Variants in GNB1 observed in about 807,000 individuals in gnomAD.
GNB1 encodes guanine nucleotide-binding protein G(I)/G(S)/G(T) subunit beta-1.
Under a neutral mutation model 42.9 loss-of-function variants are expected in GNB1, and 2 were observed. The observed-to-expected ratio is 0.05, with a 90% CI of 0.02 to 0.15. The LOEUF is 0.15. Among genes scored for constraint, GNB1 ranks in the 10% least tolerant of loss-of-function variants. The pLI is 1.00. For missense variants in GNB1, 193 were observed against 462.2 expected (o/e 0.42, Z 5.34); for synonymous variants, 183 against 174.7 (o/e 1.05, Z -0.38).
intron 5 of GNB1, among the ~76,000 whole-genome samples, chr1:1,806,906 G>A (rs1437252609): frequency 3.9e-5 from 6 of 152,080 alleles, no homozygotes; most frequent in African/African-American, 9.7e-5. Flanking sequence ...CCTAGGAAGC[G>A]GAGGTTACAG....
In GNB1 at chr1:1,826,044, T is replaced by C. The variant is rs566755193; in HGVS notation, c.-46-545A>G. Among the ~76,000 whole-genome samples, 19 of 152,310 alleles carry C rather than the reference T, an allele frequency of 1.2e-4. 1 individual carries two copies. Among genetic ancestry groups the C allele is most frequent in the African/African-American group, 4.6e-4 (19 of 41,574 alleles). ...GTCTAAAATACTACTCAACATATGC[T>C]GGTGGGTTATAAAAAGAAAAATCTG... On this transcript the variant is annotated intron_variant, in intron 2 of 11. Transcript: ENST00000378609.
chr1:1,889,971 C>A (rs1650384675), intron 1 of GNB1, among the ~76,000 whole-genome samples: 1 of 152,028 alleles, frequency 6.6e-6, no homozygotes, highest in African/African-American at 2.4e-5. Flanking sequence ...CACCTTCGGG[C>A]CTTCGGAATA....
At chr1:1,796,626 T>A (rs983514213) in intron 7 of GNB1, among the ~76,000 whole-genome samples, 1 of 152,114 alleles carries the variant, frequency 6.6e-6, no homozygotes, top group Non-Finnish European at 1.5e-5. Context: ...ACGCCCCTCC[T>A]CCCCTGGTGC....
chr1:1,860,953 C>T (rs796327602), intron 1 of GNB1, among the ~76,000 whole-genome samples: 11 of 151,170 alleles, frequency 7.3e-5, no homozygotes, highest in African/African-American at 2.4e-4. Context: ...ACTAAAAATA[C>T]AAAAATTAGC....
intron 1 of GNB1, among the ~76,000 whole-genome samples, chr1:1,844,511 T>A (rs1647515176): frequency 6.6e-6 from 1 of 152,202 alleles, no homozygotes; most frequent in Admixed American, 6.5e-5. Flanking sequence ...CATATCCTAG[T>A]ACTTATACTT....
chr1:1,820,115 A>C (rs1476062251), intron 3 of GNB1, among the ~76,000 whole-genome samples: 1 of 152,128 alleles, frequency 6.6e-6, no homozygotes, highest in African/African-American at 2.4e-5. Context: ...CCAACACCTC[A>C]GGCGGCTGAG....
intron 1 of GNB1, among the ~76,000 whole-genome samples, chr1:1,865,812 C>T (rs1648906318): frequency 6.6e-6 from 1 of 152,172 alleles, no homozygotes; most frequent in Non-Finnish European, 1.5e-5. Context: ...TTTCACATTT[C>T]TTCCAAAATG....
At chr1:1,817,436 T>C (rs1259168337) in intron 4 of GNB1, among the ~76,000 whole-genome samples, 1 of 152,210 alleles carries the variant, frequency 6.6e-6, no homozygotes, top group Non-Finnish European at 1.5e-5. Context: ...TTCAATCCTG[T>C]TGGGCATATA....
chr1:1,796,675 G>A (rs1223344464), intron 7 of GNB1, among the ~76,000 whole-genome samples: 1 of 152,216 alleles, frequency 6.6e-6, no homozygotes, highest in African/African-American at 2.4e-5. Flanking sequence ...CCTGCAGAGG[G>A]GCAGGGAAAA....
intron 5 of GNB1, among the ~76,000 whole-genome samples, chr1:1,814,906 A>T (rs1646831236): frequency 6.6e-6 from 1 of 151,668 alleles, no homozygotes; most frequent in African/African-American, 2.4e-5. Flanking sequence ...AAGTCAGGAG[A>T]TCCAGACCAT....
intron 1 of GNB1, among the ~76,000 whole-genome samples, chr1:1,871,249 C>G (rs1649231491): frequency 6.6e-6 from 1 of 152,066 alleles, no homozygotes; most frequent in African/African-American, 2.4e-5. Flanking sequence ...CACTTAAGGC[C>G]AGGAGTTAGA....
intron 1 of GNB1, among the ~76,000 whole-genome samples, chr1:1,858,739 A>G (rs554156610): frequency 6.6e-6 from 1 of 152,354 alleles, no homozygotes; most frequent in South Asian, 2.1e-4. Context: ...GCAGAACATC[A>G]GCTGCTGGAC....
intron 1 of GNB1, among the ~76,000 whole-genome samples, chr1:1,874,051 G>A (rs551696708): frequency 1.3e-5 from 2 of 152,212 alleles, no homozygotes; most frequent in Non-Finnish European, 2.9e-5. Flanking sequence ...TCTGATCTAG[G>A]TTACTGGTCC....
intron 1 of GNB1, among the ~76,000 whole-genome samples, chr1:1,852,620 A>C (rs1403124519): frequency 6.6e-6 from 1 of 151,880 alleles, no homozygotes; most frequent in Admixed American, 6.6e-5. Flanking sequence ...GGTTGAGCCC[A>C]GGAGTTGAAG....
At chr1:1,851,583 TA>T (rs999467735) in intron 1 of GNB1, among the ~76,000 whole-genome samples, 5 of 151,648 alleles carry the variant, frequency 3.3e-5, no homozygotes, top group African/African-American at 7.3e-5. Flanking sequence ...AAATTTAATT[TA>T]AAAAAATATT....
At chr1:1,852,205 G>A (rs764326286) in intron 1 of GNB1, among the ~76,000 whole-genome samples, 3 of 152,060 alleles carry the variant, frequency 2.0e-5, no homozygotes, top group Non-Finnish European at 4.4e-5. Flanking sequence ...TTTCAGACCA[G>A]CCTAGGCAAC....
chr1:1,852,596 A>AAG (rs1468704686), intron 1 of GNB1, among the ~76,000 whole-genome samples: 7 of 151,936 alleles, frequency 4.6e-5, no homozygotes, highest in Admixed American at 2.6e-4. Flanking sequence ...TCCAGAGGCT[A>AAG]AGACAGGAGG....
At chr1:1,889,422 C>T (rs1012506152) in intron 1 of GNB1, among the ~76,000 whole-genome samples, 2 of 152,184 alleles carry the variant, frequency 1.3e-5, no homozygotes, top group Non-Finnish European at 2.9e-5. Context: ...ACTGTACACC[C>T]TAACTGTAAA....
At chr1:1,877,482 T>C (rs959502721) in intron 1 of GNB1, among the ~76,000 whole-genome samples, 11 of 151,888 alleles carry the variant, frequency 7.2e-5, no homozygotes, top group African/African-American at 2.7e-4. Context: ...TGTTCCTAAT[T>C]TCCCTTTTTT....
Sources: allele counts gnomAD v4.1 joint callset (sites outside exome capture counted in the v4.1 genomes callset), GRCh38; gene constraint gnomAD v4.1.1; transcripts MANE v1.5; gene names NCBI Gene and HGNC (gene_info 2026-07-23, HGNC 2026-07-21).